The following EWSR1 variants were observed in gnomAD, a reference collection of about 807,000 sequenced individuals.
EWSR1 encodes the protein RNA-binding protein EWS.
Under a neutral mutation model 92.1 loss-of-function variants are expected in EWSR1, and 14 were observed. The observed-to-expected ratio is 0.15, with a 90% CI of 0.10 to 0.24. EWSR1 has a LOEUF of 0.24. EWSR1 is among the 10% of genes least tolerant of loss of function. EWSR1 has a pLI of 1.00. For missense variants in EWSR1, 637 were observed against 870.9 expected, an observed-to-expected ratio of 0.73 and a Z score of 3.38; for synonymous variants, 303 against 292.9, an observed-to-expected ratio of 1.03 and a Z score of -0.35.
At chr22:29,279,111 C>T (rs1021712101) in intron 5 of EWSR1, among the ~76,000 whole-genome samples, 1 of 151,962 alleles carries the variant, frequency 6.6e-6, no homozygotes, top group African/African-American at 2.4e-5. Flanking sequence ...TGTTTTTAAA[C>T]CCAGAAGAAG....
chr22:29,292,438 A>G (rs769902359), intron 10 of EWSR1, 50 bp from the exon 11 acceptor site: 1 of 1,245,050 alleles, frequency 8.0e-7, no homozygotes, highest in South Asian at 1.2e-5. Flanking sequence ...TAGTTAAGAA[A>G]CCCCTATAGA....
At position 29,299,469 on chromosome 22, in the gene EWSR1, C is replaced by T. The variant is rs558103051; in HGVS notation, c.1679-130C>T. The T allele has an allele frequency of 4.6e-5, 68 of 1,484,026 alleles. No individual in the cohort carries two copies. In the East Asian group the frequency reaches 6.1e-4, roughly 13 times the overall value. 91.9% of individuals were successfully genotyped at this position (1,484,026 alleles called of 1,614,324 possible). A position where few individuals can be genotyped will look rare whatever the true frequency, so the allele number is the denominator to read the frequency against. On this transcript the variant is annotated intron_variant, in intron 15 of 16. Coordinates refer to ENST00000397938, the MANE Select transcript of EWSR1 (RefSeq NM_005243.4). ...TGTCCTCATTTCTAAATTGTCAGCC[C>T]GATGCCGAGATTGAGTGAAGTGTCT...
In EWSR1 at chr22:29,297,844, A is replaced by G; in HGVS notation, c.1312A>G (p.Ser438Gly). ...TGTTCCAGGGAAAGATTTTCAAGGG[A>G]GCAAACTTAAAGTCTCCCTTGCTCG... Reference protein sequence around the residue: ...EWFDGKDFQGSKLKVSLARKK... With the variant: ...EWFDGKDFQGGKLKVSLARKK... Residue 438 changes from serine (S) to glycine (G), a missense_variant, in exon 13 of 17, where the codon AGC becomes GGC. Ser to Gly is a moderately conservative substitution (Grantham distance 56). Coordinates refer to ENST00000397938, the MANE Select transcript of EWSR1 (RefSeq NM_005243.4). 2 of 1,614,004 alleles carry G rather than the reference A, an allele frequency of 1.2e-6. No individual in the cohort carries two copies. The highest frequency in any genetic ancestry group is 1.7e-6 in the Non-Finnish European group (2 of 1,179,980).
intron 11 of EWSR1, among the ~76,000 whole-genome samples, chr22:29,294,107 A>G (rs559211824): frequency 1.3e-3 from 203 of 150,814 alleles, no homozygotes; most frequent in Non-Finnish European, 2.4e-3. Context: ...CACGTGATCC[A>G]CCCACCTAGG....
intron 8 of EWSR1, 59 bp downstream of exon 8, chr22:29,288,845 G>T (rs899552935): frequency 7.1e-7 from 1 of 1,405,976 alleles, no homozygotes; most frequent in Admixed American, 2.5e-5. Flanking sequence ...GATTTTCAGT[G>T]GAAAGAAGGG....
chr22:29,297,963 G>A lies in EWSR1; in HGVS notation c.1417+14G>A. The A allele has an allele frequency of 1.9e-6, 3 of 1,608,556 alleles. No homozygotes were observed. The African/African-American group carries it at 4.0e-5, about 22-fold the overall frequency. ...CACTCCGTGGAGGTACTTTTTCTGA[G>A]CTCCTATGTTGCATTAAAAGGTTTT... On this transcript the variant is annotated intron_variant, in intron 13 of 16. Coordinates refer to ENST00000397938, the MANE Select transcript of EWSR1 (RefSeq NM_005243.4).
chr22:29,283,230 A>T (rs1328391425), intron 6 of EWSR1, among the ~76,000 whole-genome samples: 1 of 152,258 alleles, frequency 6.6e-6, no homozygotes, highest in Non-Finnish European at 1.5e-5. Context: ...AGGATAAGTA[A>T]AGCGCAGGGC....
intron 3 of EWSR1, 119 bp downstream of exon 3, chr22:29,272,550 C>T (rs1370314609): frequency 2.8e-6 from 3 of 1,057,256 alleles, no homozygotes; most frequent in Non-Finnish European, 4.2e-6. Flanking sequence ...GTAAAATACC[C>T]AGGCATTTTA....
intron 16 of EWSR1, 87 bp downstream of exon 16, chr22:29,299,938 C>G: frequency 6.5e-7 from 1 of 1,543,636 alleles, no homozygotes; most frequent in Non-Finnish European, 8.7e-7. Flanking sequence ...GTCCTCATGT[C>G]TCTAGGAAGC....
rs761535308 is a variant in EWSR1 at position 29,296,276 on chromosome 22, A to G, written c.1202A>G (p.Tyr401Cys). 2.1e-5 allele frequency: 34 copies of G among 1,614,076 alleles called. No homozygotes were observed. The highest frequency in any genetic ancestry group is 2.7e-5 in the Non-Finnish European group (32 of 1,180,020). Residue 401 changes from tyrosine to cysteine, a missense_variant, in exon 12 of 17, where the codon TAC (tyrosine) becomes TGC (cysteine). Tyr to Cys is a radical substitution (Grantham distance 194). Coordinates refer to ENST00000397938, the MANE Select transcript of EWSR1 (RefSeq NM_005243.4). Reference protein sequence around the residue: ...KRTGQPMIHIYLDKETGKPKG... With the variant: ...KRTGQPMIHICLDKETGKPKG... ...ACTGGGCAACCCATGATCCACATCT[A>G]CCTGGACAAGGAAACAGGAAAGCCC...
chr22:29,288,461 T>A, intron 7 of EWSR1, 145 bp from the exon 8 acceptor site: 1 of 667,544 alleles, frequency 1.5e-6, no homozygotes, highest in African/African-American at 1.8e-5. Context: ...AGAGCCTACC[T>A]ATTAAGGATG....
intron 6 of EWSR1, among the ~76,000 whole-genome samples, chr22:29,282,769 T>G (rs2059707302): frequency 6.6e-6 from 1 of 151,776 alleles, no homozygotes; most frequent in Non-Finnish European, 1.5e-5. Context: ...TCTTTTTTTT[T>G]TTTTTTCCCC....
intron 1 of EWSR1, among the ~76,000 whole-genome samples, chr22:29,270,071 T>G (rs2058542744): frequency 6.6e-6 from 1 of 152,226 alleles, no homozygotes; most frequent in African/African-American, 2.4e-5. Flanking sequence ...TTTTGAGCCC[T>G]TCTGACCTTC....
At chr22:29,274,318 C>T (rs955957246) in intron 4 of EWSR1, 4 of 1,609,774 alleles carry the variant, frequency 2.5e-6, no homozygotes, top group Non-Finnish European at 3.4e-6. Flanking sequence ...ATGGGAAATG[C>T]TTTCCATCTT....
At chr22:29,286,333 T>C (rs1321734311) in intron 6 of EWSR1, among the ~76,000 whole-genome samples, 1 of 151,958 alleles carries the variant, frequency 6.6e-6, no homozygotes, top group Non-Finnish European at 1.5e-5. Flanking sequence ...GACCATTGTT[T>C]TAAATGGGAG....
At chr22:29,280,891 T>G (rs1048025718) in intron 5 of EWSR1, among the ~76,000 whole-genome samples, 18 of 132,450 alleles carry the variant, frequency 1.4e-4, no homozygotes, top group South Asian at 5.0e-4. Context: ...TTTTTTTTTT[T>G]TTTTTTTTGA....
chr22:29,282,077 T>C (rs571730597), intron 5 of EWSR1, among the ~76,000 whole-genome samples: 46 of 152,312 alleles, frequency 3.0e-4, no homozygotes, highest in African/African-American at 1.1e-3. Context: ...TCACCTAAAC[T>C]GGTAGCACAC....
rs1412742818 is a variant in EWSR1, at chr22:29,278,018, C to T, written c.227-12C>T. On this transcript the variant is annotated splice_polypyrimidine_tract_variant and intron_variant, in intron 4 of 16. Transcript: ENST00000397938. ...GGGACCTGAAATCTGATGCAGCTCT[C>T]CTTTGTTCTAGGTTATACTACTCCA... The T allele has an allele frequency of 7.5e-6, 12 of 1,609,660 alleles. No homozygotes were observed. Among genetic ancestry groups the T allele is most frequent in the Non-Finnish European group, 1.0e-5 (12 of 1,176,766 alleles).
At chr22:29,273,998 G>GAAAAA in intron 4 of EWSR1, 134 bp downstream of exon 4, 1 of 1,213,476 alleles carries the variant, frequency 8.2e-7, no homozygotes, top group Non-Finnish European at 1.1e-6. Flanking sequence ...CTTAGGAAGA[G>GAAAAA]GTATTTTTTC....
Sources: allele counts gnomAD v4.1 joint callset (sites outside exome capture counted in the v4.1 genomes callset), GRCh38; gene constraint gnomAD v4.1.1; transcripts MANE v1.5; gene names NCBI Gene and HGNC (gene_info 2026-07-23, HGNC 2026-07-21).